Variants in CNTNAP2 observed in about 807,000 individuals in gnomAD.
CNTNAP2 encodes the protein contactin-associated protein-like 2.
CNTNAP2 carries 98 observed loss-of-function variants against 155.2 expected under a neutral mutation model. The ratio of observed to expected loss-of-function variants is 0.63; its 90% CI spans 0.54 to 0.75. The LOEUF is 0.75. CNTNAP2 is among the 30% of genes least tolerant of loss of function. The pLI is 0.00. For missense variants in CNTNAP2, 1,727 were observed against 1,688.1 expected (o/e 1.02, Z -0.40); for synonymous variants, 651 against 631.2 (o/e 1.03, Z -0.47).
chr7:147,405,548 G>A (rs1243498632), intron 10 of CNTNAP2, among the ~76,000 whole-genome samples: 1 of 152,180 alleles, frequency 6.6e-6, no homozygotes, highest in Admixed American at 6.5e-5. Flanking sequence ...CTAACATGCT[G>A]TGTGGGAGTC....
At chr7:148,208,014 G>A (rs1020606803) in intron 18 of CNTNAP2, among the ~76,000 whole-genome samples, 2 of 152,074 alleles carry the variant, frequency 1.3e-5, no homozygotes, top group East Asian at 3.9e-4. Flanking sequence ...GCGTGAACCC[G>A]GGAGGCGGAG....
chr7:147,369,435 C>G (rs1796304167), intron 9 of CNTNAP2, among the ~76,000 whole-genome samples: 1 of 152,206 alleles, frequency 6.6e-6, no homozygotes, highest in Admixed American at 6.5e-5. Flanking sequence ...TTCCCTCTTC[C>G]TCTCCTACTA....
intron 1 of CNTNAP2, among the ~76,000 whole-genome samples, chr7:146,404,127 A>AAAAC (rs1554429074): frequency 2.1e-5 from 3 of 140,608 alleles, no homozygotes; most frequent in African/African-American, 8.5e-5. Context: ...TCCGTCTCAA[A>AAAAC]AAAAAAAAAA....
intron 3 of CNTNAP2, among the ~76,000 whole-genome samples, chr7:146,905,950 C>G (rs368523369): frequency 4.6e-5 from 7 of 152,266 alleles, no homozygotes; most frequent in African/African-American, 9.6e-5. Context: ...CGCACCACAC[C>G]GTGCGCGAGC....
Position 148,073,192 on chromosome 7 carries a change from C to T in CNTNAP2, c.2384-44926C>T, listed in dbSNP as rs115809483. 4.2e-3 allele frequency among the ~76,000 whole-genome samples: 635 copies of T among 152,156 alleles called. 7 individuals are homozygous for T. Among genetic ancestry groups the T allele is most frequent in the African/African-American group, 0.015 (613 of 41,496 alleles). The stretch of plus-strand genomic sequence containing the variant: ...AATACACTGAAAACTTAGAATACAC[C>T]GCATAAAATATGAGCTGGTAGGCTG... On this transcript the variant is annotated intron_variant, in intron 15 of 23. Transcript: ENST00000361727.
intron 1 of CNTNAP2, among the ~76,000 whole-genome samples, chr7:146,629,127 C>T (rs1247620813): frequency 6.6e-6 from 1 of 152,012 alleles, no homozygotes; most frequent in Non-Finnish European, 1.5e-5. Context: ...AATGTTCTTC[C>T]TAAAAAATAA....
intron 1 of CNTNAP2, among the ~76,000 whole-genome samples, chr7:146,551,882 G>A (rs1032859396): frequency 1.3e-5 from 2 of 151,896 alleles, no homozygotes; most frequent in Non-Finnish European, 2.9e-5. Flanking sequence ...GAACGAGACT[G>A]CATTGATTAG....
chr7:148,112,870 A>ATTT (rs1804383465), intron 15 of CNTNAP2, among the ~76,000 whole-genome samples: 1 of 151,346 alleles, frequency 6.6e-6, no homozygotes, highest in East Asian at 1.9e-4. Flanking sequence ...TTTTTTTTTA[A>ATTT]AAAAAAATAC....
chr7:147,260,770 C>T (rs1390739484), intron 8 of CNTNAP2, among the ~76,000 whole-genome samples: 1 of 152,150 alleles, frequency 6.6e-6, no homozygotes. Context: ...CCAATGGACT[C>T]ACCTGTGTGA....
intron 2 of CNTNAP2, among the ~76,000 whole-genome samples, chr7:146,787,451 G>C (rs1285973283): frequency 1.3e-5 from 2 of 152,148 alleles, no homozygotes; most frequent in Non-Finnish European, 2.9e-5. Context: ...TGAAGCTGCA[G>C]ACCTTTGCGG....
At chr7:146,401,993 A>G (rs1401687199) in intron 1 of CNTNAP2, among the ~76,000 whole-genome samples, 1 of 152,198 alleles carries the variant, frequency 6.6e-6, no homozygotes, top group Non-Finnish European at 1.5e-5. Flanking sequence ...GTAAAATTTG[A>G]AAATGTGTTT....
At chr7:147,936,432 G>A (rs973508890) in intron 14 of CNTNAP2, among the ~76,000 whole-genome samples, 1 of 151,956 alleles carries the variant, frequency 6.6e-6, no homozygotes. Flanking sequence ...GGTTATAAAA[G>A]AGGAAATATA....
intron 4 of CNTNAP2, among the ~76,000 whole-genome samples, chr7:147,103,853 C>A (rs959132912): frequency 6.6e-6 from 1 of 151,942 alleles, no homozygotes; most frequent in Non-Finnish European, 1.5e-5. Context: ...TCAGACAAAT[C>A]CAAACTGAGA....
At chr7:148,181,376 A>G (rs1038842339) in intron 18 of CNTNAP2, among the ~76,000 whole-genome samples, 7 of 152,214 alleles carry the variant, frequency 4.6e-5, no homozygotes, top group African/African-American at 1.4e-4. Flanking sequence ...AAGAGCCAAA[A>G]AGTCAGAAAA....
rs1798198839 is a variant in CNTNAP2 at position 147,812,624 on chromosome 7, C to T, written c.2099-90941C>T. Among the ~76,000 whole-genome samples the T allele has an allele frequency of 2.6e-5, 4 of 152,250 alleles. No individual in the cohort carries two copies. In the South Asian group the frequency reaches 8.3e-4, roughly 32 times the overall value. On this transcript the variant is annotated intron_variant, in intron 13 of 23. Coordinates refer to ENST00000361727, the MANE Select transcript of CNTNAP2 (RefSeq NM_014141.6). ...TCCGTTCAATATCCTGCCACTCTGG[C>T]ACCATCCCAGCCACAAGGCCTCAGG...
At chr7:147,752,131 C>T (rs920820644) in intron 13 of CNTNAP2, among the ~76,000 whole-genome samples, 6 of 152,134 alleles carry the variant, frequency 3.9e-5, no homozygotes, top group Admixed American at 6.5e-5. Flanking sequence ...GAACACCAGA[C>T]GATGTTCTCT....
intron 8 of CNTNAP2, among the ~76,000 whole-genome samples, chr7:147,134,623 T>C (rs1801442480): frequency 6.6e-6 from 1 of 151,902 alleles, no homozygotes; most frequent in South Asian, 2.1e-4. Context: ...TTATATTTTA[T>C]ATTCATTCAT....
chr7:147,263,226 C>A (rs1804531537), intron 8 of CNTNAP2, among the ~76,000 whole-genome samples: 3 of 151,956 alleles, frequency 2.0e-5, no homozygotes, highest in Non-Finnish European at 4.4e-5. Context: ...TGTGGTGATA[C>A]ATGCCTGTGG....
chr7:147,526,227 G>A (rs1005549267), intron 11 of CNTNAP2, among the ~76,000 whole-genome samples: 5 of 151,006 alleles, frequency 3.3e-5, no homozygotes, highest in Admixed American at 6.6e-5. Context: ...AAATATTGTT[G>A]TGGAAAAACA....
Sources: gnomAD v4.1 joint callset for allele counts (sites outside exome capture counted in the v4.1 genomes callset) on GRCh38, gnomAD v4.1.1 for gene constraint, MANE v1.5 for transcripts, NCBI Gene and HGNC (gene_info 2026-07-23, HGNC 2026-07-21) for gene names.